Variants in ATAD1 observed in about 807,000 individuals in gnomAD.
ATAD1 encodes the protein ATPase family AAA domain containing 1, also known as outer mitochondrial transmembrane helix translocase.
A neutral mutation model predicts 42.7 loss-of-function variants in ATAD1; 18 were observed. That is an observed-to-expected ratio of 0.42 (90% CI 0.29 to 0.63). The LOEUF (loss-of-function observed/expected upper bound fraction) is 0.63, where lower values mean the gene tolerates loss of function less well. ATAD1 is among the 20% of genes least tolerant of loss of function. The pLI is 0.19. For missense variants in ATAD1, 294 were observed against 440.4 expected, an observed-to-expected ratio of 0.67 and a Z score of 2.98; for synonymous variants, 132 against 143.1, an observed-to-expected ratio of 0.92 and a Z score of 0.55.
intron 6 of ATAD1, among the ~76,000 whole-genome samples, chr10:87,774,332 C>T (rs1449720438): frequency 1.3e-5 from 2 of 152,152 alleles, no homozygotes; most frequent in African/African-American, 2.4e-5. Context: ...TAATATTCCT[C>T]CCTTTTTATA....
At chr10:87,821,224 A>C (rs994885181), upstream of ATAD1, among the ~76,000 whole-genome samples, 1 of 152,026 alleles carries the variant, frequency 6.6e-6, no homozygotes, top group African/African-American at 2.4e-5. Context: ...GGAAGAAAGG[A>C]TTCCTTAAAT....
chr10:87,826,092 CT>C lies in ATAD1; in HGVS notation c.-13-11481del, dbSNP rs748180497. 1.3e-3 allele frequency among the ~76,000 whole-genome samples: 201 copies of C among 152,246 alleles called. 1 individual carries two copies. Among genetic ancestry groups the C allele is most frequent in the Non-Finnish European group, 1.9e-3 (126 of 68,022 alleles). On this transcript the variant is annotated intron_variant, in intron 1 of 4. Transcript: ENST00000495903. ...GGCCCAGCAGCAGTTCACTGGCAAG[CT>C]GATGTTAAAAATCTCCCATCTTCCC...
intron 6 of ATAD1, among the ~76,000 whole-genome samples, chr10:87,771,606 C>G (rs1405834650): frequency 6.6e-6 from 1 of 151,900 alleles, no homozygotes; most frequent in Admixed American, 6.6e-5. Context: ...CTTCTCAATG[C>G]GAAATAAAGT....
chr10:87,788,087 G>A (rs537538793), intron 4 of ATAD1, among the ~76,000 whole-genome samples: 50 of 152,286 alleles, frequency 3.3e-4, no homozygotes, highest in African/African-American at 1.1e-3. Flanking sequence ...TATCTTATGT[G>A]TGCCCCCATT....
chr10:87,788,883 C>G (rs148595290), intron 4 of ATAD1, among the ~76,000 whole-genome samples: 14 of 151,854 alleles, frequency 9.2e-5, no homozygotes, highest in African/African-American at 2.9e-4. Flanking sequence ...GTTTTTTTTG[C>G]GGCAGGGGGG....
At chr10:87,774,997 T>C (rs565678581) in intron 6 of ATAD1, among the ~76,000 whole-genome samples, 13 of 152,152 alleles carry the variant, frequency 8.5e-5, no homozygotes, top group Admixed American at 5.9e-4. Context: ...AGGTCCTACA[T>C]ATATCCAACT....
At chr10:87,839,227 T>G (rs1417344463) in intron 1 of ATAD1, among the ~76,000 whole-genome samples, 2 of 152,236 alleles carry the variant, frequency 1.3e-5, no homozygotes, top group African/African-American at 4.8e-5. Flanking sequence ...GCTTAATTGT[T>G]TGGTCTTCAG....
chr10:87,759,261 G>A (rs981657847), intron 8 of ATAD1, among the ~76,000 whole-genome samples: 1 of 151,788 alleles, frequency 6.6e-6, no homozygotes, highest in Non-Finnish European at 1.5e-5. Flanking sequence ...ATATATTCAC[G>A]GGATTGATAA....
intron 1 of ATAD1, among the ~76,000 whole-genome samples, chr10:87,828,494 A>G (rs1281033082): frequency 6.6e-6 from 1 of 152,226 alleles, no homozygotes; most frequent in East Asian, 1.9e-4. Flanking sequence ...AGCAGAGGTT[A>G]GTTCATGAGG....
upstream of ATAD1, among the ~76,000 whole-genome samples, chr10:87,820,947 T>G (rs1857620465): frequency 6.6e-6 from 1 of 152,166 alleles, no homozygotes; most frequent in East Asian, 1.9e-4. Context: ...CAATAAATAA[T>G]TCAATATATA....
intron 3 of ATAD1, among the ~76,000 whole-genome samples, chr10:87,791,443 G>C (rs1166420547): frequency 6.9e-6 from 1 of 145,460 alleles, no homozygotes; most frequent in African/African-American, 2.5e-5. Flanking sequence ...GTGCAAACCA[G>C]CAGCCAGATC....
chr10:87,784,150 T>C (rs886614298), intron 5 of ATAD1, among the ~76,000 whole-genome samples: 3 of 152,186 alleles, frequency 2.0e-5, no homozygotes, highest in Admixed American at 6.6e-5. Flanking sequence ...AGGTTGAAGA[T>C]AGATATATCA....
intron 9 of ATAD1, among the ~76,000 whole-genome samples, chr10:87,755,425 T>C (rs1854174885): frequency 6.6e-6 from 1 of 152,152 alleles, no homozygotes; most frequent in Admixed American, 6.6e-5. Flanking sequence ...CATCCAGATT[T>C]TTCATACTGA....
chr10:87,798,625 GGTGT>G (rs71022506), intron 2 of ATAD1, among the ~76,000 whole-genome samples: 21 of 124,842 alleles, frequency 1.7e-4, no homozygotes, highest in South Asian at 4.9e-4. Flanking sequence ...AGCTATAGGG[GGTGT>G]GTGTGTGTGT....
chr10:87,835,450 TTGTC>T (rs1857913338), intron 1 of ATAD1, among the ~76,000 whole-genome samples: 1 of 152,168 alleles, frequency 6.6e-6, no homozygotes, highest in Non-Finnish European at 1.5e-5. Flanking sequence ...GAAGTCTACT[TTGTC>T]TGATAGTAAT....
chr10:87,774,957 C>T (rs547289255), intron 6 of ATAD1, among the ~76,000 whole-genome samples: 4 of 151,906 alleles, frequency 2.6e-5, no homozygotes, highest in Middle Eastern at 3.4e-3. Context: ...CCTGTCTCAA[C>T]AAAACAAAAC....
chr10:87,757,047 C>T, intron 8 of ATAD1, 125 bp from the exon 9 acceptor site: 4 of 736,506 alleles, frequency 5.4e-6, no homozygotes, highest in Non-Finnish European at 5.9e-6. Context: ...ACAATAGTTT[C>T]TAGAAGCTTT....
At chr10:87,784,947 A>G (rs907848832) in intron 4 of ATAD1, among the ~76,000 whole-genome samples, 2 of 152,192 alleles carry the variant, frequency 1.3e-5, no homozygotes, top group African/African-American at 2.4e-5. Flanking sequence ...ATCCAAATTC[A>G]TACCACTTTA....
At chr10:87,795,061 T>G (rs1321814041) in intron 2 of ATAD1, among the ~76,000 whole-genome samples, 1 of 152,162 alleles carries the variant, frequency 6.6e-6, no homozygotes, top group Non-Finnish European at 1.5e-5. Context: ...GAAGTAACTA[T>G]TATTATCCTT....
Sources: allele counts gnomAD v4.1 joint callset (sites outside exome capture counted in the v4.1 genomes callset), GRCh38; gene constraint gnomAD v4.1.1; transcripts MANE v1.5; gene names NCBI Gene and HGNC (gene_info 2026-07-23, HGNC 2026-07-21).